Variants in HELLS observed in about 807,000 individuals in gnomAD.
The protein encoded by HELLS is helicase, lymphoid specific.
Under a neutral mutation model 120.0 loss-of-function variants are expected in HELLS, and 32 were observed. The ratio of observed to expected loss-of-function variants is 0.27; its 90% CI spans 0.20 to 0.36. The LOEUF is 0.36. HELLS is among the 10% of genes least tolerant of loss of function. The pLI is 1.00. For synonymous variants in HELLS, 341 were observed against 323.4 expected, an observed-to-expected ratio of 1.05 and a Z score of -0.58; for missense variants, 650 against 993.4, an observed-to-expected ratio of 0.65 and a Z score of 4.65.
chr10:94,611,692 G>A (rs1846195193), exon 10 of HELLS: 1 of 152,112 alleles, frequency 6.6e-6, no homozygotes, highest in Admixed American at 6.5e-5. Context: ...CCGGTTTGTA[G>A]GACCCAAAAA....
intron 2 of HELLS, among the ~76,000 whole-genome samples, chr10:94,550,426 G>T (rs1206855808): frequency 1.3e-5 from 2 of 151,798 alleles, no homozygotes; most frequent in Non-Finnish European, 2.9e-5. Context: ...CTACAGGCGC[G>T]TGCCACCACG....
chr10:94,555,666 GT>G (rs1843223947), intron 3 of HELLS, among the ~76,000 whole-genome samples: 1 of 152,088 alleles, frequency 6.6e-6, no homozygotes, highest in South Asian at 2.1e-4. Context: ...GTCTTACTCT[GT>G]TGCCCAGGCT....
chr10:94,579,935 T>G (rs1245946979), intron 10 of HELLS, among the ~76,000 whole-genome samples: 2 of 151,936 alleles, frequency 1.3e-5, no homozygotes, highest in Non-Finnish European at 2.9e-5. Flanking sequence ...ACTTTTTCCA[T>G]TTAAGTGAGC....
rs555751938 is a variant in HELLS, at chr10:94,571,390, A to G, written c.438A>G (p.Glu146=). 4.0e-6 allele frequency: 6 copies of G among 1,486,788 alleles called. No homozygotes were observed. In the South Asian group the frequency reaches 4.6e-5, roughly 12 times the overall value. 92.1% of individuals were successfully genotyped at this position (1,486,788 alleles called of 1,614,324 possible). ...YNISEVMSKE[E]ILSVAKKNKK... ...TTTTTGTTTTCTCAAACTACTAGGA[A>G]ATTTTGTCTGTGGCTAAAAAAAATA... is the stretch of plus-strand genomic sequence containing the variant. Residue 146 remains glutamate, a splice_region_variant and synonymous_variant, in exon 7 of 22, where the codon GAA becomes GAG. Transcript: ENST00000348459.
At chr10:94,591,307 C>T (rs1176007878) in intron 15 of HELLS, among the ~76,000 whole-genome samples, 1 of 152,142 alleles carries the variant, frequency 6.6e-6, no homozygotes, top group African/African-American at 2.4e-5. Flanking sequence ...CCTGGTTGCT[C>T]ATTGCTTAAA....
rs1471757159 is a variant in HELLS at position 94,580,255 on chromosome 10, G to T, written c.1033-1071G>T. On this transcript the variant is annotated intron_variant, in intron 10 of 21. Transcript: ENST00000348459. ...GCTGGAGTGCAGTGGCACGATCTCG[G>T]CTTACTGCAACCTGTCTCCCGGGCT... 7.6e-5 allele frequency among the ~76,000 whole-genome samples: 11 copies of T among 144,308 alleles called. 1 individual carries two copies. Among genetic ancestry groups the T allele is most frequent in the Admixed American group, 4.9e-4 (7 of 14,148 alleles). 94.7% of individuals were successfully genotyped at this position (144,308 alleles called of 152,430 possible). A position where few individuals can be genotyped will look rare whatever the true frequency, so the allele number is the denominator to read the frequency against.
intron 10 of HELLS, among the ~76,000 whole-genome samples, chr10:94,578,568 C>T (rs931489530): frequency 2.6e-5 from 4 of 151,984 alleles, no homozygotes; most frequent in African/African-American, 9.7e-5. Flanking sequence ...ATTACCTGGG[C>T]ATAGTGGCCT....
chr10:94,606,487 A>T (rs1846130946), downstream of HELLS, among the ~76,000 whole-genome samples: 1 of 151,566 alleles, frequency 6.6e-6, no homozygotes, highest in Admixed American at 6.6e-5. Flanking sequence ...GGCTACAGGC[A>T]TGTGACACTA....
Position 94,582,933 on chromosome 10 carries a change from A to G in HELLS, c.1230-30A>G, listed in dbSNP as rs780705876. The G allele has an allele frequency of 5.4e-5, 64 of 1,186,634 alleles. No individual in the cohort carries two copies. In the East Asian group the frequency reaches 1.5e-3, roughly 28 times the overall value. The allele number at this position is 1,186,634 out of a possible 1,614,324, so 73.5% of individuals were successfully genotyped here. On this transcript the variant is annotated intron_variant, in intron 11 of 21. Transcript: ENST00000348459. The stretch of plus-strand genomic sequence containing the variant: ...ATGTTGACATAATTGAATTTATGTG[A>G]TGGTTAACTTAAACATTTTTCTCTT...
intron 11 of HELLS, among the ~76,000 whole-genome samples, chr10:94,582,079 T>C (rs1045351470): frequency 1.3e-5 from 2 of 152,202 alleles, no homozygotes; most frequent in Non-Finnish European, 2.9e-5. Context: ...GAGGAGGTAA[T>C]GTTGACATAA....
chr10:94,555,972 A>C (rs1843239859), intron 3 of HELLS, among the ~76,000 whole-genome samples: 1 of 152,172 alleles, frequency 6.6e-6, no homozygotes, highest in African/African-American at 2.4e-5. Context: ...TGTTTCTTTG[A>C]GTTCTGTAAG....
chr10:94,605,911 T>C (rs1431516147), downstream of HELLS, among the ~76,000 whole-genome samples: 1 of 152,036 alleles, frequency 6.6e-6, no homozygotes, highest in Non-Finnish European at 1.5e-5. Flanking sequence ...GGATTACAGG[T>C]GTGAGCTCCT....
At chr10:94,609,337 T>C (rs1407692365) in intron 9 of HELLS, among the ~76,000 whole-genome samples, 1 of 152,172 alleles carries the variant, frequency 6.6e-6, no homozygotes, top group African/African-American at 2.4e-5. Context: ...TCCACCACTT[T>C]ACCATCCACA....
intron 3 of HELLS, among the ~76,000 whole-genome samples, chr10:94,555,985 C>G (rs147449952): frequency 6.6e-6 from 1 of 152,284 alleles, no homozygotes; most frequent in Non-Finnish European, 1.5e-5. Flanking sequence ...TCTGTAAGCT[C>G]CTCTAGCAAA....
At position 94,545,884 on chromosome 10, in the gene HELLS, G is replaced by T; in HGVS notation, c.-38G>T. 6.4e-7 allele frequency: 1 copy of T among 1,551,850 alleles called. No homozygotes were observed. The highest frequency in any genetic ancestry group is 2.4e-5 in the East Asian group (1 of 41,002). Reference sequence around the variant, plus strand: ...GTTAGCTCGCGGCATTGCAGGCTCTGAGAGGAGGGGACCCGGTTCCCGGGT... The same window carrying T: ...GTTAGCTCGCGGCATTGCAGGCTCTTAGAGGAGGGGACCCGGTTCCCGGGT... On this transcript the variant is annotated 5_prime_UTR_variant, in exon 1 of 22. Coordinates refer to ENST00000348459, the MANE Select transcript of HELLS (RefSeq NM_018063.5).
chr10:94,561,686 T>C (rs1435760908), intron 4 of HELLS, among the ~76,000 whole-genome samples: 1 of 152,076 alleles, frequency 6.6e-6, no homozygotes, highest in Non-Finnish European at 1.5e-5. Context: ...AAGCTGGTCT[T>C]GTACTCCTGG....
intron 2 of HELLS, 128 bp downstream of exon 2, chr10:94,546,626 ATTAC>A: frequency 9.9e-7 from 1 of 1,006,684 alleles, no homozygotes; most frequent in South Asian, 1.5e-5. Context: ...AAACAGCTTT[ATTAC>A]TTGTCTTTTT....
chr10:94,573,103 G>A (rs1844259909), intron 7 of HELLS, among the ~76,000 whole-genome samples: 1 of 151,912 alleles, frequency 6.6e-6, no homozygotes, highest in Non-Finnish European at 1.5e-5. Context: ...GGGACAACAG[G>A]CTCATGCCAC....
At chr10:94,560,010 C>T (rs1843472272) in intron 4 of HELLS, among the ~76,000 whole-genome samples, 1 of 152,122 alleles carries the variant, frequency 6.6e-6, no homozygotes, top group Non-Finnish European at 1.5e-5. Context: ...TTCTACTTAG[C>T]TTCTGTGCTA....
Sources: gnomAD v4.1 joint callset for allele counts (sites outside exome capture counted in the v4.1 genomes callset) on GRCh38, gnomAD v4.1.1 for gene constraint, MANE v1.5 for transcripts, NCBI Gene and HGNC (gene_info 2026-07-23, HGNC 2026-07-21) for gene names.